The following GLT1D1 variants were observed in gnomAD, a reference collection of about 807,000 sequenced individuals.
GLT1D1 encodes glycosyltransferase 1 domain-containing protein 1.
Under a neutral mutation model 28.7 loss-of-function variants are expected in GLT1D1, and 21 were observed. The observed-to-expected ratio is 0.73, with a 90% CI of 0.52 to 1.05. The LOEUF (loss-of-function observed/expected upper bound fraction) is 1.05, where lower values mean the gene tolerates loss of function less well. Ranked by LOEUF, GLT1D1 falls within the 50% of genes least tolerant of loss-of-function variation. The pLI is 0.00. For missense variants in GLT1D1, 343 were observed against 330.6 expected, an observed-to-expected ratio of 1.04 and a Z score of -0.29; for synonymous variants, 147 against 124.8, an observed-to-expected ratio of 1.18 and a Z score of -1.19.
Position 128,915,668 on chromosome 12 carries a change from A to G in GLT1D1, c.375+16381A>G, listed in dbSNP as rs147482109. Among the ~76,000 whole-genome samples, 515 of 152,276 alleles carry G rather than the reference A, an allele frequency of 3.4e-3. 3 individuals carry two copies. Among genetic ancestry groups the G allele is most frequent in the African/African-American group, 0.012 (496 of 41,556 alleles). On this transcript the variant is annotated intron_variant, in intron 4 of 7. Coordinates refer to ENST00000281703, the MANE Select transcript of GLT1D1 (RefSeq NM_144669.3). The stretch of plus-strand genomic sequence containing the variant: ...ATGAGCCACTGGGCCTGGCCAAAAA[A>G]TGCAACAAAAATTTTAATCACTTGA...
At chr12:128,886,056 G>T (rs1381445314) in intron 2 of GLT1D1, among the ~76,000 whole-genome samples, 1 of 152,166 alleles carries the variant, frequency 6.6e-6, no homozygotes, top group Non-Finnish European at 1.5e-5. Flanking sequence ...CTCATGATCT[G>T]ATGGTTTTAT....
Position 128,982,723 on chromosome 12 carries a change from C to CGT in GLT1D1, c.640-192_640-191dup, listed in dbSNP as rs374591114. On this transcript the variant is annotated intron_variant, in intron 7 of 7. Transcript: ENST00000281703. ...ATATGTGTGTGTGCATGTATGTGTG[C>CGT]GTGTGTGTGTGTGTGCATATATATT... Among the ~76,000 whole-genome samples, 70 of 151,004 alleles carry CGT rather than the reference C, an allele frequency of 4.6e-4. 1 individual carries two copies. Among genetic ancestry groups the CGT allele is most frequent in the African/African-American group, 1.3e-3 (52 of 41,188 alleles).
In GLT1D1 at chr12:128,858,637, C is replaced by T. The variant is rs140863545; in HGVS notation, c.68+4988C>T. ...AGTGAGCTGAGATCACACCATTGCA[C>T]TCCAGCCTGGGCAACAGAGGGGGAC... On this transcript the variant is annotated intron_variant, in intron 1 of 7. Transcript: ENST00000281703. Among the ~76,000 whole-genome samples, 680 of 151,344 alleles carry T rather than the reference C, an allele frequency of 4.5e-3. 1 individual carries two copies. Among genetic ancestry groups the T allele is most frequent in the African/African-American group, 0.016 (651 of 41,094 alleles).
At chr12:128,947,529 G>A (rs558116418) in intron 6 of GLT1D1, 71 bp downstream of exon 10, 2 of 1,555,222 alleles carry the variant, frequency 1.3e-6, no homozygotes, top group South Asian at 2.2e-5. Flanking sequence ...TATTTACGGA[G>A]GTGACGTCTT....
rs147449951 is a variant in GLT1D1 at position 128,942,075 on chromosome 12, A to G, written c.376-3251A>G. 1.6e-3 allele frequency among the ~76,000 whole-genome samples: 242 copies of G among 150,200 alleles called. 1 individual carries two copies. The highest frequency in any genetic ancestry group is 5.7e-3 in the African/African-American group (235 of 40,884). On this transcript the variant is annotated intron_variant, in intron 4 of 7. Transcript: ENST00000281703. ...AGCTTCATTTCAGGCTTTTGCTAAC[A>G]TGTGTCTTCTTTTTTTTTTTTCCAC...
chr12:128,956,578 C>T (rs1311799519), intron 6 of GLT1D1, among the ~76,000 whole-genome samples: 7 of 152,140 alleles, frequency 4.6e-5, no homozygotes, highest in Admixed American at 1.3e-4. Flanking sequence ...TGTTCATCCC[C>T]GATCCTCACC....
In GLT1D1 at chr12:128,975,747, C is replaced by T. The variant is rs570605423; in HGVS notation, c.640-7182C>T. Among the ~76,000 whole-genome samples, 297 of 152,338 alleles carry T rather than the reference C, an allele frequency of 1.9e-3. 1 individual carries two copies. Among genetic ancestry groups the T allele is most frequent in the Admixed American group, 4.6e-3 (71 of 15,306 alleles). On this transcript the variant is annotated intron_variant, in intron 7 of 7. Coordinates refer to ENST00000281703, the MANE Select transcript of GLT1D1 (RefSeq NM_144669.3). ...GATTACATGTGTGAGCCACAGCTCC[C>T]GGCCCCCTAATGGCTGTTTTTGATA...
chr12:128,984,010 C>G lies in GLT1D1; in HGVS notation c.*920C>G, dbSNP rs1216722485. The G allele has an allele frequency of 6.6e-6, 1 of 152,312 alleles. No individual in the cohort carries two copies. Among genetic ancestry groups the G allele is most frequent in the Non-Finnish European group, 1.5e-5 (1 of 68,088 alleles). 9.4% of individuals were successfully genotyped at this position (152,312 alleles called of 1,614,324 possible). On this transcript the variant is annotated 3_prime_UTR_variant, in exon 8 of 8. Transcript: ENST00000281703. ...GTGGCCTCGCCCCATCCATGTCATC[C>G]ATGTCACATGAGGACGTGCAGTCTT...
chr12:128,971,281 T>C (rs1041773673), intron 7 of GLT1D1, among the ~76,000 whole-genome samples: 3 of 134,328 alleles, frequency 2.2e-5, no homozygotes, highest in African/African-American at 8.4e-5. Context: ...TGTCTTTCTT[T>C]TGCCCTCCCT....
chr12:128,883,461 A>C (rs1169032930), intron 2 of GLT1D1, among the ~76,000 whole-genome samples: 1 of 151,362 alleles, frequency 6.6e-6, no homozygotes, highest in Non-Finnish European at 1.5e-5. Flanking sequence ...ATGGTGGTGG[A>C]TGCCTGTAAT....
chr12:128,905,291 A>C (rs28631985), intron 4 of GLT1D1, among the ~76,000 whole-genome samples: 18,950 of 152,258 alleles, frequency 0.12, 1,305 homozygotes, highest in South Asian at 0.25. Flanking sequence ...AGCACATCTT[A>C]ATTCAAACAG....
intron 1 of GLT1D1, among the ~76,000 whole-genome samples, chr12:128,857,606 A>G (rs1468994440): frequency 6.6e-6 from 1 of 152,148 alleles, no homozygotes; most frequent in Non-Finnish European, 1.5e-5. Context: ...CTGTGATCTA[A>G]TCAGCAATGA....
In GLT1D1 at chr12:128,934,386, G is replaced by A. The variant is rs186495910; in HGVS notation, c.376-10940G>A. 4.8e-3 allele frequency among the ~76,000 whole-genome samples: 737 copies of A among 152,096 alleles called. 7 individuals are homozygous for A. The highest frequency in any genetic ancestry group is 0.017 in the African/African-American group (685 of 41,488). On this transcript the variant is annotated intron_variant, in intron 4 of 7. Coordinates refer to ENST00000281703, the MANE Select transcript of GLT1D1 (RefSeq NM_144669.3). ...TATTTGTATTTTTAGTAGAGACGGG[G>A]TTTTGCCATGTTGGCCAGGCTGGTC...
At chr12:128,867,437 A>C (rs566967500) in intron 1 of GLT1D1, among the ~76,000 whole-genome samples, 128 of 143,972 alleles carry the variant, frequency 8.9e-4, no homozygotes, top group African/African-American at 2.7e-3. Context: ...AAAAAGGAAA[A>C]GAAAAAAAAG....
Position 128,888,651 on chromosome 12 carries a change from C to T in GLT1D1, c.230C>T (p.Pro77Leu), listed in dbSNP as rs759745908. The T allele has an allele frequency of 3.7e-6, 6 of 1,612,620 alleles. No homozygotes were observed. In the South Asian group the frequency reaches 5.5e-5, roughly 15 times the overall value. ...CATCGTTTTGCAGGCCACCGAATCC[C>T]TTTTGGAGTCATCTTTGGTGGAACT... Residue 77 changes from proline (P) to leucine (L), a missense_variant, in exon 3 of 8, where the codon CCT becomes CTT. Pro to Leu is a moderately conservative substitution (Grantham distance 98). Coordinates refer to ENST00000281703, the MANE Select transcript of GLT1D1 (RefSeq NM_144669.3).
At chr12:128,866,312 A>G (rs1593051466) in intron 1 of GLT1D1, among the ~76,000 whole-genome samples, 2 of 151,406 alleles carry the variant, frequency 1.3e-5, no homozygotes, top group South Asian at 4.2e-4. Context: ...CTCGTGATCC[A>G]CCCGCCTCAG....
chr12:128,975,482 ACT>A (rs953745490), intron 7 of GLT1D1, among the ~76,000 whole-genome samples: 4 of 151,440 alleles, frequency 2.6e-5, no homozygotes, highest in Admixed American at 6.6e-5. Flanking sequence ...ACGGGGTCTC[ACT>A]CTGTCACCCA....
chr12:128,871,263 A>G (rs917413958), intron 1 of GLT1D1, among the ~76,000 whole-genome samples: 1 of 152,156 alleles, frequency 6.6e-6, no homozygotes, highest in Non-Finnish European at 1.5e-5. Flanking sequence ...GATGTATTTT[A>G]TATTTTTTTA....
At chr12:128,871,580 T>C (rs12319805) in intron 1 of GLT1D1, among the ~76,000 whole-genome samples, 4,178 of 152,288 alleles carry the variant, frequency 0.027, 184 homozygotes, top group African/African-American at 0.094. Flanking sequence ...CACATATTAG[T>C]ACAGTGTAGA....
Sources: gnomAD v4.1 joint callset for allele counts (sites outside exome capture counted in the v4.1 genomes callset) on GRCh38, gnomAD v4.1.1 for gene constraint, MANE v1.5 for transcripts, NCBI Gene and HGNC (gene_info 2026-07-23, HGNC 2026-07-21) for gene names.